The following KIAA0232 variants were observed in gnomAD, a reference collection of about 807,000 sequenced individuals.
KIAA0232 encodes uncharacterized protein KIAA0232.
Under a neutral mutation model 122.0 loss-of-function variants are expected in KIAA0232, and 27 were observed. The observed-to-expected ratio is 0.22, with a 90% CI of 0.16 to 0.31. The LOEUF (loss-of-function observed/expected upper bound fraction) is 0.31. KIAA0232 is among the 10% of genes least tolerant of loss of function. The pLI is 1.00. For missense variants in KIAA0232, 1,551 were observed against 1,634.2 expected, an observed-to-expected ratio of 0.95 and a Z score of 0.88; for synonymous variants, 613 against 587.6, an observed-to-expected ratio of 1.04 and a Z score of -0.63.
At chr4:6,816,014 CATA>C (rs1718106050) in intron 2 of KIAA0232, among the ~76,000 whole-genome samples, 1 of 152,100 alleles carries the variant, frequency 6.6e-6, no homozygotes, top group Admixed American at 6.5e-5. Context: ...TTAAAGTAAA[CATA>C]ATAAAACTAA....
At chr4:6,818,293 C>T (rs776680058) in intron 2 of KIAA0232, among the ~76,000 whole-genome samples, 21 of 150,230 alleles carry the variant, frequency 1.4e-4, no homozygotes, top group Non-Finnish European at 1.8e-4. Context: ...CCCAGCTACT[C>T]GGGAGGCCGA....
In KIAA0232 at chr4:6,863,973, A is replaced by G; in HGVS notation, c.3591A>G (p.Glu1197=). ...SAQTSLDSQE[E]STGILSVGKQ... ...AGACATCACTGGATTCCCAGGAGGAATCAACTGGGATTCTTTCAGTAGGAA... is the reference window on the plus strand; with the variant it reads ...AGACATCACTGGATTCCCAGGAGGAGTCAACTGGGATTCTTTCAGTAGGAA... Residue 1197 remains glutamate (E), a synonymous_variant, in exon 7 of 10, where the codon GAA becomes GAG. Coordinates refer to ENST00000307659, the MANE Select transcript of KIAA0232 (RefSeq NM_014743.3). 2.5e-6 allele frequency: 4 copies of G among 1,614,032 alleles called. No homozygotes were observed. Among genetic ancestry groups the G allele is most frequent in the Non-Finnish European group, 3.4e-6 (4 of 1,179,904 alleles).
chr4:6,836,178 G>A (rs933806494), intron 3 of KIAA0232, among the ~76,000 whole-genome samples: 1 of 152,200 alleles, frequency 6.6e-6, no homozygotes. Flanking sequence ...GTGTGAGATG[G>A]TATCTCATTG....
intron 1 of KIAA0232, among the ~76,000 whole-genome samples, chr4:6,794,580 G>A (rs1717050163): frequency 6.6e-6 from 1 of 152,216 alleles, no homozygotes; most frequent in South Asian, 2.1e-4. Context: ...CATCGTATGT[G>A]GTGGACAGGG....
In KIAA0232 at chr4:6,860,905, T is replaced by G; in HGVS notation, c.523T>G (p.Tyr175Asp). 1 of 1,612,984 alleles carries G rather than the reference T, an allele frequency of 6.2e-7. No individual in the cohort carries two copies. The highest frequency in any genetic ancestry group is 8.5e-7 in the Non-Finnish European group (1 of 1,179,330). ...PPAKDQVEMY[Y>D]EAFPPLSEKP... Reference sequence around the variant, plus strand: ...AGTCTTTACTCTGTTTTTCAGGTACTATGAAGCATTTCCACCACTTTCTGA... The same window carrying G: ...AGTCTTTACTCTGTTTTTCAGGTACGATGAAGCATTTCCACCACTTTCTGA... Residue 175 changes from tyrosine to aspartate, a missense_variant, in exon 7 of 10, where the codon TAT becomes GAT. This residue lies in a region of KIAA0232 where 377 missense variants were observed against 381.7 expected (regional missense o/e 0.99). Coordinates refer to ENST00000307659, the MANE Select transcript of KIAA0232 (RefSeq NM_014743.3).
chr4:6,799,874 T>C (rs1478912529), intron 1 of KIAA0232, among the ~76,000 whole-genome samples: 1 of 151,150 alleles, frequency 6.6e-6, no homozygotes, highest in African/African-American at 2.4e-5. Context: ...TTTGTATTTT[T>C]AGTGGAGACG....
chr4:6,866,284 G>T, intron 7 of KIAA0232: 2 of 960,078 alleles, frequency 2.1e-6, no homozygotes, highest in Non-Finnish European at 1.2e-6. Context: ...GTATTTATGT[G>T]TTATCAGAAT....
chr4:6,811,023 C>G (rs1717852312), intron 2 of KIAA0232, among the ~76,000 whole-genome samples: 1 of 152,182 alleles, frequency 6.6e-6, no homozygotes, highest in Non-Finnish European at 1.5e-5. Context: ...AGTATAGCTT[C>G]TATGGAAAAG....
chr4:6,802,860 G>A (rs147835930), intron 1 of KIAA0232, among the ~76,000 whole-genome samples: 3 of 151,774 alleles, frequency 2.0e-5, no homozygotes, highest in Non-Finnish European at 2.9e-5. Context: ...AGTAATAGTC[G>A]AATATGAGTG....
chr4:6,836,734 G>T (rs1719302900), intron 3 of KIAA0232, among the ~76,000 whole-genome samples: 3 of 151,784 alleles, frequency 2.0e-5, no homozygotes, highest in African/African-American at 7.3e-5. Context: ...CGTGAGATTA[G>T]GGAGCGGTGA....
intron 2 of KIAA0232, among the ~76,000 whole-genome samples, chr4:6,823,048 G>A (rs181254250): frequency 4.0e-5 from 6 of 150,956 alleles, no homozygotes; most frequent in South Asian, 2.1e-4. Context: ...TTGTTCTTGC[G>A]ATAGTTTACT....
rs761320749 is a variant in KIAA0232 at position 6,871,602 on chromosome 4, G to A, written c.3830G>A (p.Gly1277Glu). 6.2e-7 allele frequency: 1 copy of A among 1,609,604 alleles called. No individual in the cohort carries two copies. Among genetic ancestry groups the A allele is most frequent in the South Asian group, 1.1e-5 (1 of 90,940 alleles). The stretch of plus-strand genomic sequence containing the variant: ...CCTGTATTGAACACTGATATACAAG[G>A]AATGAATAGAAGTCAAGAAAAACAG... ...EFPVLNTDIQ[G>E]MNRSQEKQTW... Residue 1277 changes from glycine (G) to glutamate (E), a missense_variant, in exon 8 of 10, where the codon GGA becomes GAA. Transcript: ENST00000307659.
intron 8 of KIAA0232, among the ~76,000 whole-genome samples, chr4:6,872,789 G>A (rs919043435): frequency 4.6e-5 from 7 of 152,228 alleles, no homozygotes; most frequent in Non-Finnish European, 1.0e-4. Flanking sequence ...CACTAGCCAC[G>A]ATGCCCTGCA....
chr4:6,851,481 G>T (rs78599137), intron 4 of KIAA0232, among the ~76,000 whole-genome samples: 45,216 of 151,906 alleles, frequency 0.3, 8,387 homozygotes, highest in Non-Finnish European at 0.42. Flanking sequence ...GCTGAGGCGG[G>T]TGGGTTGCTT....
At chr4:6,853,189 C>T (rs1019378626) in intron 4 of KIAA0232, among the ~76,000 whole-genome samples, 12 of 152,000 alleles carry the variant, frequency 7.9e-5, no homozygotes, top group African/African-American at 1.9e-4. Context: ...GATTTCTTAA[C>T]GAGGAAGAGG....
chr4:6,836,873 A>G (rs1364253194), intron 3 of KIAA0232, among the ~76,000 whole-genome samples: 3 of 152,212 alleles, frequency 2.0e-5, no homozygotes, highest in African/African-American at 7.2e-5. Context: ...GGGCAAGGTT[A>G]TAGATTAACA....
chr4:6,801,123 G>A (rs1717366674), intron 1 of KIAA0232, among the ~76,000 whole-genome samples: 1 of 152,200 alleles, frequency 6.6e-6, no homozygotes, highest in South Asian at 2.1e-4. Flanking sequence ...TAGACCTGTT[G>A]TGTCCAGTAG....
At chr4:6,879,552 T>C (rs1228755888) in intron 9 of KIAA0232, among the ~76,000 whole-genome samples, 2 of 152,190 alleles carry the variant, frequency 1.3e-5, no homozygotes, top group Non-Finnish European at 2.9e-5. Context: ...TGCTTCTGCC[T>C]CAGGGGTTCT....
intron 1 of KIAA0232, among the ~76,000 whole-genome samples, chr4:6,785,602 TTTTAAC>T (rs1716589418): frequency 1.3e-5 from 2 of 152,222 alleles, no homozygotes; most frequent in Non-Finnish European, 2.9e-5. Flanking sequence ...TGCTTAAAGT[TTTTAAC>T]TTTGTCTTCA....
Sources: gnomAD v4.1 joint callset for allele counts (sites outside exome capture counted in the v4.1 genomes callset) on GRCh38, gnomAD v4.1.1 for gene constraint, gnomAD v4.1.1 regional missense constraint, MANE v1.5 for transcripts, NCBI Gene and HGNC (gene_info 2026-07-23, HGNC 2026-07-21) for gene names.